SLC39A12: variants seen among roughly 807,000 people sequenced by gnomAD.
The protein encoded by SLC39A12 is zinc transporter ZIP12.
In SLC39A12, 63 loss-of-function variants were observed where a neutral mutation model predicts 71.1. The observed-to-expected ratio is 0.89, with a 90% CI of 0.72 to 1.09. SLC39A12 has a LOEUF of 1.09. Ranked by LOEUF, SLC39A12 falls within the 50% of genes least tolerant of loss-of-function variation. The pLI is 0.00. For missense variants in SLC39A12, 892 were observed against 812.6 expected (o/e 1.10, Z -1.19); for synonymous variants, 351 against 301.3 (o/e 1.16, Z -1.71).
chr10:18,036,503 C>T (rs775412209), intron 12 of SLC39A12, among the ~76,000 whole-genome samples: 5 of 151,900 alleles, frequency 3.3e-5, no homozygotes, highest in South Asian at 2.1e-4. Context: ...CGCCCTGCTT[C>T]GGCTCACGCA....
At chr10:18,014,607 T>A (rs530137754) in intron 12 of SLC39A12, among the ~76,000 whole-genome samples, 1 of 152,294 alleles carries the variant, frequency 6.6e-6, no homozygotes, top group Admixed American at 6.5e-5. Flanking sequence ...AATTTTAAGT[T>A]GTATGAATAG....
chr10:17,987,405 TG>T, intron 6 of SLC39A12, 73 bp from the exon 7 acceptor site: 1 of 1,404,170 alleles, frequency 7.1e-7, no homozygotes, highest in Non-Finnish European at 9.9e-7. Context: ...CCAATTCTTC[TG>T]GCATTTTCGC....
At chr10:18,036,792 A>ATGTTT (rs1176352939) in intron 12 of SLC39A12, among the ~76,000 whole-genome samples, 1 of 84,648 alleles carries the variant, frequency 1.2e-5, no homozygotes, top group Non-Finnish European at 2.2e-5. Flanking sequence ...ATATATATAT[A>ATGTTT]TATTTTTTTT....
chr10:18,019,834 CTTG>C (rs1253438804), intron 12 of SLC39A12, among the ~76,000 whole-genome samples: 24 of 152,010 alleles, frequency 1.6e-4, no homozygotes, highest in African/African-American at 5.8e-4. Context: ...TGTGGTCTAT[CTTG>C]TTGAATGTTC....
chr10:17,981,598 A>T, intron 6 of SLC39A12, 115 bp downstream of exon 6: 1 of 799,324 alleles, frequency 1.3e-6, no homozygotes, highest in Non-Finnish European at 1.9e-6. Context: ...TACATTTATC[A>T]GCTCATTTAA....
At chr10:18,011,044 T>C (rs184456029) in intron 12 of SLC39A12, among the ~76,000 whole-genome samples, 125 of 152,256 alleles carry the variant, frequency 8.2e-4, no homozygotes, top group African/African-American at 2.7e-3. Flanking sequence ...AACAAAATAA[T>C]ACAAAGCCCA....
At chr10:17,991,737 A>G (rs1203687562) in intron 8 of SLC39A12, among the ~76,000 whole-genome samples, 2 of 152,222 alleles carry the variant, frequency 1.3e-5, no homozygotes, top group Non-Finnish European at 2.9e-5. Context: ...TGAAATTTGC[A>G]GCAAATCTTT....
chr10:18,036,794 A>ATTTTTTTTTTTTTTTT (rs746691202), intron 12 of SLC39A12, among the ~76,000 whole-genome samples: 5 of 92,894 alleles, frequency 5.4e-5, no homozygotes, highest in African/African-American at 1.3e-4. Context: ...ATATATATAT[A>ATTTTTTTTTTTTTTTT]TTTTTTTTTT....
chr10:18,022,943 T>C (rs1210855248), intron 12 of SLC39A12, among the ~76,000 whole-genome samples: 4 of 152,214 alleles, frequency 2.6e-5, no homozygotes, highest in African/African-American at 4.8e-5. Flanking sequence ...TAATCCAGTA[T>C]ATGGTGCTTA....
chr10:18,033,507 C>G (rs1406935925), intron 12 of SLC39A12, among the ~76,000 whole-genome samples: 1 of 147,358 alleles, frequency 6.8e-6, no homozygotes, highest in African/African-American at 2.5e-5. Context: ...TCCCCTTTAT[C>G]ATTTTTTATT....
chr10:18,037,612 T>G (rs986010046), intron 12 of SLC39A12, among the ~76,000 whole-genome samples: 15 of 146,336 alleles, frequency 1.0e-4, no homozygotes, highest in Middle Eastern at 3.5e-3. Context: ...GGGGGAAATA[T>G]ATATGTAAGA....
At chr10:18,013,205 G>A (rs7919054) in intron 12 of SLC39A12, among the ~76,000 whole-genome samples, 6,916 of 151,244 alleles carry the variant, frequency 0.046, 569 homozygotes, top group African/African-American at 0.16. Context: ...GCATATTACA[G>A]TAAGCTAAAT....
intron 6 of SLC39A12, among the ~76,000 whole-genome samples, chr10:17,982,598 T>C (rs11011865): frequency 0.19 from 28,449 of 152,096 alleles, 2,802 homozygotes; most frequent in Non-Finnish European, 0.2. Flanking sequence ...TCTAAGATTC[T>C]ACATTCACTA....
intron 12 of SLC39A12, among the ~76,000 whole-genome samples, chr10:18,040,512 G>A (rs1275052701): frequency 2.0e-5 from 3 of 152,146 alleles, no homozygotes; most frequent in Non-Finnish European, 4.4e-5. Context: ...GCTCATGCCT[G>A]TAATCCCAGC....
Position 18,038,749 on chromosome 10 carries a change from AC to A in SLC39A12, c.1948-3955del, listed in dbSNP as rs575042986. Among the ~76,000 whole-genome samples the A allele has an allele frequency of 2.2e-4, 34 of 152,366 alleles. 1 individual carries two copies. In the East Asian group the frequency reaches 6.4e-3, roughly 28 times the overall value. ...ACAGCTTGAAATTCTGCTATAATTTACAAGATATTAATTCTAGCTCTGTGTT... is the reference window on the plus strand; with the variant it reads ...ACAGCTTGAAATTCTGCTATAATTTAAAGATATTAATTCTAGCTCTGTGTT... On this transcript the variant is annotated intron_variant, in intron 12 of 12. Transcript: ENST00000377369.
chr10:17,956,549 G>A (rs1306946478), intron 2 of SLC39A12, among the ~76,000 whole-genome samples: 3 of 152,204 alleles, frequency 2.0e-5, no homozygotes, highest in African/African-American at 7.2e-5. Flanking sequence ...AGTTCCTTCT[G>A]TTCCCTGTGC....
At chr10:17,991,342 C>G in intron 8 of SLC39A12, 39 bp downstream of exon 8, 1 of 1,480,722 alleles carries the variant, frequency 6.8e-7, no homozygotes, top group Non-Finnish European at 9.1e-7. Flanking sequence ...GCTTTAAAGT[C>G]TTATAATACA....
At chr10:18,036,767 TATA>T in intron 12 of SLC39A12, among the ~76,000 whole-genome samples, 1 of 68,718 alleles carries the variant, frequency 1.5e-5, no homozygotes, top group Non-Finnish European at 2.6e-5. Context: ...TATATATATA[TATA>T]TATATATATA....
At chr10:17,987,150 G>A (rs1366530920) in intron 6 of SLC39A12, among the ~76,000 whole-genome samples, 4 of 152,140 alleles carry the variant, frequency 2.6e-5, no homozygotes, top group Admixed American at 6.5e-5. Flanking sequence ...GGAACATGAC[G>A]AAACCCCATC....
Sources: gnomAD v4.1 joint callset for allele counts (sites outside exome capture counted in the v4.1 genomes callset) on GRCh38, gnomAD v4.1.1 for gene constraint, MANE v1.5 for transcripts, NCBI Gene and HGNC (gene_info 2026-07-23, HGNC 2026-07-21) for gene names.